The following TRPV3 variants were observed in gnomAD, a reference collection of about 807,000 sequenced individuals.
TRPV3 encodes VRL-3.
A neutral mutation model predicts 87.1 loss-of-function variants in TRPV3; 88 were observed. The observed-to-expected ratio is 1.01, with a 90% CI of 0.85 to 1.21. TRPV3 has a LOEUF of 1.21. TRPV3 is among the 50% of genes most tolerant of loss of function. TRPV3 has a pLI of 0.00. For missense variants in TRPV3, 1,054 were observed against 1,030.1 expected (o/e 1.02, Z -0.32); for synonymous variants, 438 against 423.3 (o/e 1.03, Z -0.43).
chr17:3,543,660 A>C, intron 4 of TRPV3, 32 bp from the exon 5 acceptor site: 1 of 1,611,430 alleles, frequency 6.2e-7, no homozygotes, highest in Non-Finnish European at 8.5e-7. Flanking sequence ...AACTCAACAC[A>C]CACATCCTCT....
chr17:3,530,609 C>G lies in TRPV3; in HGVS notation c.1066-406G>C, dbSNP rs926985061. On this transcript the variant is annotated intron_variant, in intron 8 of 17. Transcript: ENST00000576742. This position sits in a 1 kb window ranked among gnomAD's most constrained non-coding sequence, Gnocchi z 4.0. Reference sequence around the variant, plus strand: ...AGTGTTCTCAGCGTCCCCAGCCCACCCTAAGCCAAGACTCCTCCAGCTGTG... The same window carrying G: ...AGTGTTCTCAGCGTCCCCAGCCCACGCTAAGCCAAGACTCCTCCAGCTGTG... Among the ~76,000 whole-genome samples the G allele has an allele frequency of 2.6e-5, 4 of 152,162 alleles. No individual in the cohort carries two copies. Among genetic ancestry groups the G allele is most frequent in the Non-Finnish European group, 4.4e-5 (3 of 68,028 alleles).
intron 13 of TRPV3, among the ~76,000 whole-genome samples, chr17:3,522,140 C>T (rs935486332): frequency 6.6e-6 from 1 of 152,098 alleles, no homozygotes. Context: ...CAAAACTCAT[C>T]CCCGTCCAGT....
At chr17:3,548,078 G>A (rs1014380721) in intron 2 of TRPV3, among the ~76,000 whole-genome samples, 9 of 152,192 alleles carry the variant, frequency 5.9e-5, no homozygotes, top group African/African-American at 1.9e-4. Context: ...CTGTGGCCTG[G>A]CCAGGGACTG....
chr17:3,527,825 G>C, intron 11 of TRPV3, 200 bp downstream of exon 11: 1 of 582,794 alleles, frequency 1.7e-6, no homozygotes, highest in Non-Finnish European at 3.1e-6. Context: ...TGGGCAGATG[G>C]ATAGAGAAGT....
chr17:3,526,878 G>A lies in TRPV3; in HGVS notation c.1553C>T (p.Ser518Leu), dbSNP rs1490859805. The change falls in exon 12 of 18, where the codon TCG (serine) becomes TTG (leucine). Residue 518 changes from serine (S) to leucine (L), a missense_variant. Transcript: ENST00000576742. ...LRPSDLQSIL[S>L]DAWFHFVFFI... The stretch of plus-strand genomic sequence containing the variant: ...CAAGACAAAGTGGAACCAGGCATCC[G>A]AGAGGATGGACTGCAGATCCGAGGG... 15 of 1,611,856 alleles carry A rather than the reference G, an allele frequency of 9.3e-6. No individual in the cohort carries two copies. The highest frequency in any genetic ancestry group is 6.6e-5 in the South Asian group (6 of 90,316).
chr17:3,548,413 C>T (rs932692138), intron 2 of TRPV3, among the ~76,000 whole-genome samples: 7 of 152,220 alleles, frequency 4.6e-5, no homozygotes, highest in African/African-American at 1.4e-4. Flanking sequence ...CACTGCAATC[C>T]ATGCTTCTTT....
intron 3 of TRPV3, 74 bp from the exon 4 acceptor site, chr17:3,544,739 G>A: frequency 4.6e-6 from 5 of 1,096,328 alleles, no homozygotes; most frequent in Non-Finnish European, 6.7e-6. Flanking sequence ...GCTCATGCAT[G>A]TAATCCCAGC....
chr17:3,541,925 T>TCTTA (rs1311603401), intron 6 of TRPV3, among the ~76,000 whole-genome samples: 1 of 152,042 alleles, frequency 6.6e-6, no homozygotes, highest in Non-Finnish European at 1.5e-5. Flanking sequence ...GCAGTGACTT[T>TCTTA]CTTTCTTTTC....
chr17:3,546,643 G>A (rs114904690), intron 2 of TRPV3: 5,703 of 456,012 alleles, frequency 0.013, 194 homozygotes, highest in African/African-American at 0.082. Flanking sequence ...AAAGCAACTT[G>A]CCCAAGGTCA....
At chr17:3,548,963 C>T (rs1231730851) in intron 2 of TRPV3, among the ~76,000 whole-genome samples, 2 of 152,158 alleles carry the variant, frequency 1.3e-5, no homozygotes, top group Non-Finnish European at 2.9e-5. Context: ...CTGAAGTGGG[C>T]ATCGGAGGTC....
chr17:3,554,552 G>A (rs1215499546), intron 2 of TRPV3, 180 bp downstream of exon 2: 1 of 551,302 alleles, frequency 1.8e-6, no homozygotes, highest in Admixed American at 3.4e-5. Context: ...TCAGCCCCCT[G>A]AGTGTGCTGT....
rs454738 is a variant in TRPV3 at position 3,532,641 on chromosome 17, C to T, written c.1065+16G>A. 4.3e-6 allele frequency: 7 copies of T among 1,612,152 alleles called. No individual in the cohort carries two copies. Among genetic ancestry groups the T allele is most frequent in the Admixed American group, 3.3e-5 (2 of 59,944 alleles). On this transcript the variant is annotated intron_variant, in intron 8 of 17. Coordinates refer to ENST00000576742, the MANE Select transcript of TRPV3 (RefSeq NM_145068.4). ...GACCTCCCGACCTCCTGCCTCCCCA[C>T]GCCCCATGGCCCCACCTCCGCCTTG...
At chr17:3,540,092 T>TAAATAAACAAACAAAC (rs1555545584) in intron 6 of TRPV3, among the ~76,000 whole-genome samples, 2 of 150,876 alleles carry the variant, frequency 1.3e-5, no homozygotes, top group African/African-American at 4.9e-5. Flanking sequence ...AATAAATAAA[T>TAAATAAACAAACAAAC]AAACAAAGTC....
chr17:3,554,769 C>A lies in TRPV3; in HGVS notation c.82G>T (p.Glu28Ter). The stretch of plus-strand genomic sequence containing the variant: ...GGGGTGATCTCCGCCGGCCTCTTCT[C>A]TGGCAGGATGGCAGGGTTCCCACTG... ...APSGNPAILP[E>*]KRPAEITPTK... The change falls in exon 2 of 18, where the codon GAG (glutamate) becomes TAG (stop). Residue 28 changes from glutamate (E) to a stop codon, truncating the protein, a stop_gained. Coordinates refer to ENST00000576742, the MANE Select transcript of TRPV3 (RefSeq NM_145068.4). LOFTEE classifies it high-confidence loss of function. 1.2e-6 allele frequency: 2 copies of A among 1,613,086 alleles called. No individual in the cohort carries two copies.
intron 2 of TRPV3, among the ~76,000 whole-genome samples, chr17:3,549,505 T>G (rs1352277594): frequency 6.6e-6 from 1 of 152,162 alleles, no homozygotes; most frequent in Non-Finnish European, 1.5e-5. Flanking sequence ...GTCCTAACAC[T>G]CAGAAGACTT....
At chr17:3,537,970 G>A (rs955514381) in intron 6 of TRPV3, among the ~76,000 whole-genome samples, 6 of 150,994 alleles carry the variant, frequency 4.0e-5, no homozygotes, top group Admixed American at 6.6e-5. Flanking sequence ...AGGCTGAGGC[G>A]GGCAGATCAC....
chr17:3,541,945 TTTTC>T (rs1476278402), intron 6 of TRPV3, among the ~76,000 whole-genome samples: 1 of 152,204 alleles, frequency 6.6e-6, no homozygotes, highest in Non-Finnish European at 1.5e-5. Context: ...CTTTGTTTCT[TTTTC>T]TTTCTGTCTT....
At position 3,519,324 on chromosome 17, in the gene TRPV3, T is replaced by C. The variant is rs946578339; in HGVS notation, c.1811-474A>G. ...ACAGTAGAGGTTCACTGCTGAATGGTTGGATGGATGGATGGATGGATGGAT... is the reference window on the plus strand; with the variant it reads ...ACAGTAGAGGTTCACTGCTGAATGGCTGGATGGATGGATGGATGGATGGAT... On this transcript the variant is annotated intron_variant, in intron 14 of 17. Coordinates refer to ENST00000576742, the MANE Select transcript of TRPV3 (RefSeq NM_145068.4). Among the ~76,000 whole-genome samples the C allele has an allele frequency of 7.1e-4, 104 of 146,738 alleles. 1 individual carries two copies. The East Asian group carries it at 0.013, about 18-fold the overall frequency.
chr17:3,529,838 C>T (rs1391576562), intron 9 of TRPV3, among the ~76,000 whole-genome samples, 189 bp downstream of exon 9: 2 of 127,512 alleles, frequency 1.6e-5, no homozygotes, highest in African/African-American at 2.9e-5. Context: ...CAGGAAGAGT[C>T]GGGCCCAGCA....
Sources: allele counts gnomAD v4.1 joint callset (sites outside exome capture counted in the v4.1 genomes callset), GRCh38; gene constraint gnomAD v4.1.1; non-coding constraint Gnocchi (gnomAD v3.1); transcripts MANE v1.5; gene names NCBI Gene and HGNC (gene_info 2026-07-23, HGNC 2026-07-21).